ANK2: variants seen among roughly 807,000 people sequenced by gnomAD.
The protein encoded by ANK2 is ankyrin 2.
A neutral mutation model predicts 360.5 loss-of-function variants in ANK2; 83 were observed. That is an observed-to-expected ratio of 0.23 (90% CI 0.19 to 0.28). The LOEUF is 0.28. Ranked by LOEUF, ANK2 falls within the 10% of genes least tolerant of loss-of-function variation. ANK2 has a pLI of 1.00. For synonymous variants in ANK2, 1,740 were observed against 1,759.5 expected (o/e 0.99, Z 0.28); for missense variants, 4,201 against 4,795.7 (o/e 0.88, Z 3.66).
intron 2 of ANK2, among the ~76,000 whole-genome samples, chr4:113,011,344 G>GA (rs1179814739): frequency 6.6e-6 from 1 of 152,012 alleles, no homozygotes; most frequent in African/African-American, 2.4e-5. Context: ...TGCTCTCTTA[G>GA]AGTTCTTTGG....
At chr4:113,374,951 A>G (rs1363319424) in intron 45 of ANK2, 35 of 1,130,212 alleles carry the variant, frequency 3.1e-5, no homozygotes, top group Non-Finnish European at 3.6e-5. Context: ...GAAGAGGTAT[A>G]GAAGCATCAT....
the ANK2 span, among the ~76,000 whole-genome samples, chr4:112,800,355 G>A: frequency 2.0e-5 from 3 of 152,044 alleles, no homozygotes; most frequent in Non-Finnish European, 4.4e-5. Context: ...TTACCAATTA[G>A]TATATATACT....
At chr4:112,882,389 A>T (rs2076939925) in intron 1 of ANK2, 1 of 152,102 alleles carries the variant, frequency 6.6e-6, no homozygotes, top group African/African-American at 2.4e-5. Flanking sequence ...GGATTGCTTG[A>T]TCTCAGAGTT....
chr4:113,050,967 T>C (rs1211715331), intron 1 of ANK2, among the ~76,000 whole-genome samples: 1 of 152,180 alleles, frequency 6.6e-6, no homozygotes, highest in Non-Finnish European at 1.5e-5. Context: ...TATGGTATCA[T>C]GCAATTTGAT....
chr4:113,057,249 G>A (rs2070536043), intron 1 of ANK2, among the ~76,000 whole-genome samples: 1 of 152,094 alleles, frequency 6.6e-6, no homozygotes, highest in Non-Finnish European at 1.5e-5. Flanking sequence ...TTGTGCAATT[G>A]CCAAAAAGAA....
At chr4:112,758,379 A>G in the ANK2 span, among the ~76,000 whole-genome samples, 1 of 152,094 alleles carries the variant, frequency 6.6e-6, no homozygotes, top group African/African-American at 2.4e-5. Context: ...GAGCATAGCT[A>G]TTCTCTTATC....
intron 23 of ANK2, among the ~76,000 whole-genome samples, chr4:113,307,412 CTTT>C (rs56756321): frequency 1.8e-3 from 168 of 91,854 alleles, no homozygotes; most frequent in South Asian, 6.5e-3. Context: ...GCCATTCCAC[CTTT>C]TTTTTTTTTT....
At position 113,311,302 on chromosome 4, in the gene ANK2, G is replaced by A; in HGVS notation, c.2596G>A (p.Asp866Asn). The change falls in exon 24 of 46, where the codon GAC becomes AAC. Residue 866 changes from aspartate (D) to asparagine (N), a missense_variant. This residue lies in a region of ANK2 where 1,268 missense variants were observed against 1,650.8 expected (regional missense o/e 0.77). Transcript: ENST00000357077. ...TGGGGGAGAATACCTTAGGCCTGAG[G>A]ACCTAAAAGAACTGGGTGATGACTC... is the stretch of plus-strand genomic sequence containing the variant. ...GDGGEYLRPE[D>N]LKELGDDSLP... is the part of the protein sequence containing the mutation. 1 of 1,614,126 alleles carries A rather than the reference G, an allele frequency of 6.2e-7. No individual in the cohort carries two copies. The highest frequency in any genetic ancestry group is 8.5e-7 in the Non-Finnish European group (1 of 1,180,014).
chr4:112,972,767 C>T (rs559280461), intron 2 of ANK2, among the ~76,000 whole-genome samples: 1 of 152,244 alleles, frequency 6.6e-6, no homozygotes, highest in African/African-American at 2.4e-5. Context: ...ATGGAACCAA[C>T]TTGAGTGTCC....
intron 1 of ANK2, among the ~76,000 whole-genome samples, chr4:112,832,286 C>G (rs572294940): frequency 6.6e-6 from 1 of 152,298 alleles, no homozygotes; most frequent in Admixed American, 6.5e-5. Context: ...ATCCTGGCCT[C>G]AAGTGATCCG....
chr4:112,771,065 C>T, the ANK2 span, among the ~76,000 whole-genome samples: 1 of 152,146 alleles, frequency 6.6e-6, no homozygotes, highest in Non-Finnish European at 1.5e-5. Context: ...GCTGGGGCCC[C>T]TGTAACAAAA....
At chr4:112,889,490 C>T (rs376008095) in intron 1 of ANK2, among the ~76,000 whole-genome samples, 2 of 152,030 alleles carry the variant, frequency 1.3e-5, no homozygotes, top group Admixed American at 6.6e-5. Context: ...AACATTTTCT[C>T]CACTTTATTT....
chr4:113,233,447 A>G (rs1308545029), intron 5 of ANK2, among the ~76,000 whole-genome samples: 2 of 151,814 alleles, frequency 1.3e-5, no homozygotes, highest in Admixed American at 6.6e-5. Context: ...TTCTTATTTC[A>G]TATTTTGTGG....
At position 112,839,533 on chromosome 4, in the gene ANK2, A is replaced by G. The variant is rs867531337; in HGVS notation, c.-40+21269A>G. Among the ~76,000 whole-genome samples the G allele has an allele frequency of 1.6e-4, 25 of 152,326 alleles. No homozygotes were observed. The Middle Eastern group carries it at 0.014, about 83-fold the overall frequency. On this transcript the variant is annotated intron_variant, in intron 1 of 30. Transcript: ENST00000503271. ...ATACCAAATATTTTGACAAATTCGA[A>G]TGGTTTTCCTAATGTATTAAGGTGT...
chr4:113,256,045 C>T (rs2049131588), intron 11 of ANK2, 113 bp downstream of exon 11: 1 of 1,302,402 alleles, frequency 7.7e-7, no homozygotes, highest in African/African-American at 1.5e-5. Flanking sequence ...GTAGTTAATC[C>T]TGCTAAATTT....
At chr4:112,738,736 G>A in the ANK2 span, 3 of 618,224 alleles carry the variant, frequency 4.9e-6, no homozygotes, top group Non-Finnish European at 9.1e-6. Context: ...AAGTTCATCC[G>A]GCACCAGTCA....
chr4:112,800,115 G>A, the ANK2 span, among the ~76,000 whole-genome samples: 8 of 152,266 alleles, frequency 5.3e-5, no homozygotes, highest in East Asian at 1.2e-3. Context: ...ATTATTAGGA[G>A]TTCAAATTTC....
At chr4:112,742,396 A>ATGTG in the ANK2 span, among the ~76,000 whole-genome samples, 232 of 149,758 alleles carry the variant, frequency 1.5e-3, no homozygotes, top group East Asian at 9.5e-3. Flanking sequence ...ACTGAATTCT[A>ATGTG]TGTGTGTGTG....
At chr4:112,788,344 A>G in the ANK2 span, 8 of 1,546,606 alleles carry the variant, frequency 5.2e-6, no homozygotes, top group Non-Finnish European at 7.0e-6. Flanking sequence ...TAATGCACTA[A>G]GGGACCACCA....
Sources: gnomAD v4.1 joint callset for allele counts (sites outside exome capture counted in the v4.1 genomes callset) on GRCh38, gnomAD v4.1.1 for gene constraint, gnomAD v4.1.1 regional missense constraint, MANE v1.5 for transcripts, NCBI Gene and HGNC (gene_info 2026-07-23, HGNC 2026-07-21) for gene names.